Variants in SNX22 observed in about 807,000 individuals in gnomAD.
SNX22 encodes sorting nexin 22, also known as sorting nexin-22.
A neutral mutation model predicts 24.7 loss-of-function variants in SNX22; 23 were observed. The observed-to-expected ratio is 0.93, with a 90% CI of 0.67 to 1.32. SNX22 has a LOEUF of 1.32. SNX22 is among the 40% of genes most tolerant of loss of function. The probability of loss-of-function intolerance (pLI) is 0.00; values close to 1 mark genes in which losing one functional copy is unlikely to be tolerated. For synonymous variants in SNX22, 99 were observed against 104.0 expected, an observed-to-expected ratio of 0.95 and a Z score of 0.29; for missense variants, 261 against 249.9, an observed-to-expected ratio of 1.04 and a Z score of -0.30.
At position 64,154,834 on chromosome 15, in the gene SNX22, T is replaced by A; in HGVS notation, c.*326T>A. ...GGGTGGATCACCTGAAGTCAGGAGT[T>A]CGAGACCAGCCTGACCACCATGGAG... On this transcript the variant is annotated 3_prime_UTR_variant, in exon 7 of 7. Transcript: ENST00000325881. 1 of 207,368 alleles carries A rather than the reference T, an allele frequency of 4.8e-6. No homozygotes were observed. The highest frequency in any genetic ancestry group is 9.8e-6 in the Non-Finnish European group (1 of 101,564). 12.8% of individuals were successfully genotyped at this position (207,368 alleles called of 1,614,324 possible). A position where few individuals can be genotyped will look rare whatever the true frequency, so the allele number is the denominator to read the frequency against.
At position 64,156,358 on chromosome 15, in the gene SNX22, A is replaced by C; in HGVS notation, c.*1850A>C. ...TACAGGAATTTTGTTCCTTTGAAGT[A>C]AGACCCAGGTTGGGCCAAGGGTGAG... On this transcript the variant is annotated 3_prime_UTR_variant, in exon 7 of 7. Coordinates refer to ENST00000325881, the MANE Select transcript of SNX22 (RefSeq NM_024798.3). This position sits in a 1 kb window ranked among gnomAD's most constrained non-coding sequence, Gnocchi z 6.4. The C allele has an allele frequency of 5.6e-6, 4 of 712,018 alleles. No homozygotes were observed. The highest frequency in any genetic ancestry group is 9.6e-6 in the Non-Finnish European group (4 of 416,676). The allele number at this position is 712,018 out of a possible 1,614,324, so 44.1% of individuals were successfully genotyped here.
Position 64,156,652 on chromosome 15 carries a change from G to A in SNX22, c.*2144G>A. 6.4e-7 allele frequency: 1 copy of A among 1,566,190 alleles called. No individual in the cohort carries two copies. Among genetic ancestry groups the A allele is most frequent in the Non-Finnish European group, 8.8e-7 (1 of 1,136,692 alleles). ...TTTGGGAAAGGGATGGACACATGGA[G>A]CTCCTGCCCTGGGGTCTGTGTTGAA... On this transcript the variant is annotated 3_prime_UTR_variant, in exon 7 of 7. Transcript: ENST00000325881. This position sits in a 1 kb window ranked among gnomAD's most constrained non-coding sequence, Gnocchi z 6.4.
intron 3 of SNX22, 191 bp from the exon 4 acceptor site, chr15:64,153,054 A>G: frequency 1.5e-6 from 1 of 674,730 alleles, no homozygotes; most frequent in Non-Finnish European, 2.5e-6. Context: ...CAGCAAAGCT[A>G]TGCCGCGTCA....
In SNX22 at chr15:64,156,950, G is replaced by A. The variant is rs565544479; in HGVS notation, c.*2442G>A. On this transcript the variant is annotated 3_prime_UTR_variant, in exon 7 of 7. Transcript: ENST00000325881. This position sits in a 1 kb window ranked among gnomAD's most constrained non-coding sequence, Gnocchi z 6.4. ...GAGCAGGTCAGGGGCGCTGGATTGCGCCAAACCAAGCAGACATTCGGGGCC... is the reference window on the plus strand; with the variant it reads ...GAGCAGGTCAGGGGCGCTGGATTGCACCAAACCAAGCAGACATTCGGGGCC... The A allele has an allele frequency of 2.2e-5, 35 of 1,598,836 alleles. No homozygotes were observed. The South Asian group carries it at 3.3e-4, about 15-fold the overall frequency.
chr15:64,153,175 A>C (rs895631291), intron 3 of SNX22, 70 bp from the exon 4 acceptor site: 1 of 1,571,908 alleles, frequency 6.4e-7, no homozygotes, highest in Non-Finnish European at 8.7e-7. Flanking sequence ...AGAGCCCTGC[A>C]TTTTCACTGG....
chr15:64,152,988 G>C (rs1343580630), intron 3 of SNX22: 1 of 608,514 alleles, frequency 1.6e-6, no homozygotes, highest in Non-Finnish European at 2.9e-6. Flanking sequence ...TCCCCTCCAT[G>C]GTGAGGTCCT....
rs1236071521 is a variant in SNX22 at position 64,152,662 on chromosome 15, G to A, written c.184G>A (p.Asp62Asn). ...GATCAAGAAGCTGTACAAAGTGCCC[G>A]ACTTCCCCTCGAAACGCCTGCCCAA... ...KRIKKLYKVPDFPSKRLPNWR... is the reference protein window; with the variant it reads ...KRIKKLYKVPNFPSKRLPNWR... The change falls in exon 3 of 7, where the codon GAC (aspartate) becomes AAC (asparagine). Residue 62 changes from aspartate to asparagine, a missense_variant. Coordinates refer to ENST00000325881, the MANE Select transcript of SNX22 (RefSeq NM_024798.3). 11 of 1,614,058 alleles carry A rather than the reference G, an allele frequency of 6.8e-6. No individual in the cohort carries two copies. The highest frequency in any genetic ancestry group is 2.2e-5 in the East Asian group (1 of 44,884).
chr15:64,152,934 G>C, intron 3 of SNX22, 192 bp downstream of exon 3: 1 of 617,398 alleles, frequency 1.6e-6, no homozygotes. Context: ...ACTGAAAGAG[G>C]TAACGGACAC....
Position 64,152,280 on chromosome 15 carries a change from A to G in SNX22, c.113A>G (p.His38Arg). ...GAGGTGCTGTGCAGCGGGCGCAGAC[A>G]CACGGTGCCAAGGCGCTACAGCGAG... ...RVEVLCSGRRHTVPRRYSEFH... is the reference protein window; with the variant it reads ...RVEVLCSGRRRTVPRRYSEFH... The change falls in exon 2 of 7, where the codon CAC becomes CGC. Residue 38 changes from histidine (H) to arginine (R), a missense_variant. His to Arg is a conservative substitution (Grantham distance 29). Coordinates refer to ENST00000325881, the MANE Select transcript of SNX22 (RefSeq NM_024798.3). 1 of 1,491,508 alleles carries G rather than the reference A, an allele frequency of 6.7e-7. No homozygotes were observed. Among genetic ancestry groups the G allele is most frequent in the Non-Finnish European group, 8.9e-7 (1 of 1,129,768 alleles). 92.4% of individuals were successfully genotyped at this position (1,491,508 alleles called of 1,614,324 possible).
At chr15:64,152,057 G>C (rs879877885) in intron 1 of SNX22, 186 bp from the exon 2 acceptor site, 1 of 757,368 alleles carries the variant, frequency 1.3e-6, no homozygotes, top group Non-Finnish European at 2.0e-6. Context: ...CCAGGGCTCC[G>C]AGGGGCAGGT....
rs773354511 is a variant in SNX22 at position 64,154,504 on chromosome 15, C to T, written c.578C>T (p.Pro193Leu). Residue 193 changes from proline to leucine, a missense_variant, in exon 7 of 7, where the codon CCC (proline) becomes CTC (leucine). Transcript: ENST00000325881. Reference protein sequence around the residue: ...ACHPAPLPPMP With the variant: ...ACHPAPLPPML The stretch of plus-strand genomic sequence containing the variant: ...CACCCTGCTCCTCTGCCACCGATGC[C>T]CTGATCAGTCCAGAGGCCTTTGGCT... 1.0e-4 allele frequency: 164 copies of T among 1,614,044 alleles called. No individual in the cohort carries two copies. The highest frequency in any genetic ancestry group is 1.3e-4 in the Non-Finnish European group (150 of 1,180,034).
rs1296864535 is a variant in SNX22 at position 64,156,206 on chromosome 15, A to AAAGG, written c.*1699_*1702dup. On this transcript the variant is annotated 3_prime_UTR_variant, in exon 7 of 7. Coordinates refer to ENST00000325881, the MANE Select transcript of SNX22 (RefSeq NM_024798.3). The surrounding 1 kb of genome is among the most constrained non-coding windows in gnomAD (Gnocchi z 6.4). ...GATCAGGAGGTCCACCGCTCAGGAG[A>AAAGG]AAGGCCCCAGCGTATGGCTCAGGAG... is the stretch of plus-strand genomic sequence containing the variant. 1.2e-6 allele frequency: 2 copies of AAAGG among 1,605,382 alleles called. No homozygotes were observed. Among genetic ancestry groups the AAAGG allele is most frequent in the African/African-American group, 2.7e-5 (2 of 74,750 alleles).
Position 64,155,640 on chromosome 15 carries a change from T to G in SNX22, c.*1132T>G, listed in dbSNP as rs936101617. On this transcript the variant is annotated 3_prime_UTR_variant, in exon 7 of 7. Transcript: ENST00000325881. Reference sequence around the variant, plus strand: ...TGGAGGCCCAGTAGCTGGCAAAGTTTAGAAGCAGGGGGCAAAAGCTCCTGC... The same window carrying G: ...TGGAGGCCCAGTAGCTGGCAAAGTTGAGAAGCAGGGGGCAAAAGCTCCTGC... 1 of 284,010 alleles carries G rather than the reference T, an allele frequency of 3.5e-6. No homozygotes were observed. Among genetic ancestry groups the G allele is most frequent in the Non-Finnish European group, 6.8e-6 (1 of 146,508 alleles). 17.6% of individuals were successfully genotyped at this position (284,010 alleles called of 1,614,324 possible).
rs769911014 is a variant in SNX22 at position 64,153,684 on chromosome 15, G to A, written c.392G>A (p.Ser131Asn). Reference sequence around the variant, plus strand: ...AGGGAGTTCCTGCCTGGCGACAGCAGGCAAGTCAAAGCCCTAGCCCGCGCT... The same window carrying A: ...AGGGAGTTCCTGCCTGGCGACAGCAAGCAAGTCAAAGCCCTAGCCCGCGCT... ...TLREFLPGDS[S>N]SQQHQRPVLS... Residue 131 changes from serine to asparagine, a missense_variant and splice_region_variant, in exon 5 of 7, where the codon AGC becomes AAC. Physicochemically the swap from Ser to Asn is conservative, Grantham distance 46 (BLOSUM62 1). Coordinates refer to ENST00000325881, the MANE Select transcript of SNX22 (RefSeq NM_024798.3). The A allele has an allele frequency of 6.2e-7, 1 of 1,614,104 alleles. No individual in the cohort carries two copies. Among genetic ancestry groups the A allele is most frequent in the South Asian group, 1.1e-5 (1 of 91,082 alleles).
rs564268620 is a variant in SNX22 at position 64,157,280 on chromosome 15, C to T, written c.*2772C>T. 5.2e-5 allele frequency: 14 copies of T among 269,280 alleles called. No individual in the cohort carries two copies. Among genetic ancestry groups the T allele is most frequent in the African/African-American group, 8.7e-5 (4 of 46,018 alleles). The allele number at this position is 269,280 out of a possible 1,614,324, so 16.7% of individuals were successfully genotyped here. Reference sequence around the variant, plus strand: ...CAGGATGCAGGGGAGTCAACAGGGTCGGAACTCTCCAGAAAAGGAGGACTG... The same window carrying T: ...CAGGATGCAGGGGAGTCAACAGGGTTGGAACTCTCCAGAAAAGGAGGACTG... On this transcript the variant is annotated 3_prime_UTR_variant, in exon 7 of 7. Transcript: ENST00000325881. The surrounding 1 kb of genome is among the most constrained non-coding windows in gnomAD (Gnocchi z 4.2).
intron 5 of SNX22, 94 bp downstream of exon 5, chr15:64,153,778 G>C (rs1308489281): frequency 6.2e-7 from 1 of 1,601,474 alleles, no homozygotes; most frequent in Admixed American, 1.7e-5. Flanking sequence ...GTCTGGCCTG[G>C]GCCCTGAAGT....
At position 64,155,548 on chromosome 15, in the gene SNX22, A is replaced by G. The variant is rs933559176; in HGVS notation, c.*1040A>G. 1.8e-5 allele frequency: 3 copies of G among 164,362 alleles called. No individual in the cohort carries two copies. The highest frequency in any genetic ancestry group is 2.6e-5 in the Non-Finnish European group (2 of 75,992). 10.2% of individuals were successfully genotyped at this position (164,362 alleles called of 1,614,324 possible). On this transcript the variant is annotated 3_prime_UTR_variant, in exon 7 of 7. Transcript: ENST00000325881. ...AAAAAAAAAAAATCAATTTAGAGGTAGGCTATGAAAAAGTACAGATACATC... is the reference window on the plus strand; with the variant it reads ...AAAAAAAAAAAATCAATTTAGAGGTGGGCTATGAAAAAGTACAGATACATC...
At position 64,155,922 on chromosome 15, in the gene SNX22, G is replaced by C; in HGVS notation, c.*1414G>C. On this transcript the variant is annotated 3_prime_UTR_variant, in exon 7 of 7. Transcript: ENST00000325881. ...TGTGGAATGTGAGGGGAGTGGGTCC[G>C]CTCCACCAGATGCCAGCACCGGGGC... 6.4e-7 allele frequency: 1 copy of C among 1,573,606 alleles called. No individual in the cohort carries two copies. The highest frequency in any genetic ancestry group is 1.3e-5 in the African/African-American group (1 of 74,184).
Position 64,155,885 on chromosome 15 carries a change from A to G in SNX22, c.*1377A>G. 1.6e-6 allele frequency: 2 copies of G among 1,289,432 alleles called. No homozygotes were observed. The highest frequency in any genetic ancestry group is 2.2e-6 in the Non-Finnish European group (2 of 899,964). 79.9% of individuals were successfully genotyped at this position (1,289,432 alleles called of 1,614,324 possible). A position where few individuals can be genotyped will look rare whatever the true frequency, so the allele number is the denominator to read the frequency against. On this transcript the variant is annotated 3_prime_UTR_variant, in exon 7 of 7. Coordinates refer to ENST00000325881, the MANE Select transcript of SNX22 (RefSeq NM_024798.3). ...TTGGTAGGAGTTTGTTACAAAAGTG[A>G]GTCCATGGGCCTGTGGAATGTGAGG...
Sources: gnomAD v4.1 joint callset for allele counts on GRCh38, gnomAD v4.1.1 for gene constraint, Gnocchi (gnomAD v3.1) non-coding constraint, MANE v1.5 for transcripts, NCBI Gene and HGNC (gene_info 2026-07-23, HGNC 2026-07-21) for gene names.